The following RHOBTB1 variants were observed in gnomAD, a reference collection of about 807,000 sequenced individuals.
RHOBTB1 encodes the protein Rho related BTB domain containing 1, also known as rho-related BTB domain-containing protein 1.
RHOBTB1 carries 40 observed loss-of-function variants against 71.6 expected under a neutral mutation model. That is an observed-to-expected ratio of 0.56 (90% CI 0.43 to 0.73). The LOEUF (loss-of-function observed/expected upper bound fraction) is 0.73. Among genes scored for constraint, RHOBTB1 ranks in the 30% least tolerant of loss-of-function variants. The pLI is 0.00. For missense variants in RHOBTB1, 797 were observed against 894.0 expected (o/e 0.89, Z 1.38); for synonymous variants, 319 against 334.9 (o/e 0.95, Z 0.52).
chr10:61,000,674 T>G lies in RHOBTB1; in HGVS notation c.-163+725A>C, dbSNP rs576550329. Among the ~76,000 whole-genome samples the G allele has an allele frequency of 4.6e-5, 7 of 152,300 alleles. No individual in the cohort carries two copies. The South Asian group carries it at 1.2e-3, about 27-fold the overall frequency. On this transcript the variant is annotated intron_variant, in intron 1 of 11. Transcript: ENST00000357917. ...CTAAGAGAATGTATATCTTCATTTT[T>G]TTTTAATTCCCAAGTGTTAAAAATC...
chr10:60,874,836 G>A (rs1328866778), intron 9 of RHOBTB1, 118 bp downstream of exon 9: 1 of 724,382 alleles, frequency 1.4e-6, no homozygotes, highest in Non-Finnish European at 2.4e-6. Flanking sequence ...TACACAGGGG[G>A]ACTCTGTGAC....
At chr10:60,907,975 T>TATTA (rs1350586102) in intron 4 of RHOBTB1, among the ~76,000 whole-genome samples, 14 of 152,228 alleles carry the variant, frequency 9.2e-5, no homozygotes, top group Admixed American at 5.2e-4. Context: ...GATTAACTAA[T>TATTA]GTTGGCAAAG....
intron 6 of RHOBTB1, among the ~76,000 whole-genome samples, chr10:60,887,851 T>C (rs1589192530): frequency 1.3e-5 from 2 of 152,112 alleles, no homozygotes; most frequent in Non-Finnish European, 2.9e-5. Context: ...AGGCTTGGGG[T>C]CCCTGATCCA....
intron 2 of RHOBTB1, among the ~76,000 whole-genome samples, chr10:60,962,269 C>A (rs2085808598): frequency 6.6e-6 from 1 of 152,070 alleles, no homozygotes; most frequent in Non-Finnish European, 1.5e-5. Context: ...TTAAAATAAT[C>A]TGGTTGTCTG....
intron 4 of RHOBTB1, among the ~76,000 whole-genome samples, chr10:60,896,279 A>G (rs371683443): frequency 6.6e-6 from 1 of 152,262 alleles, no homozygotes; most frequent in East Asian, 1.9e-4. Flanking sequence ...TTCTATTTCT[A>G]TGGCTCTGTT....
At chr10:60,863,917 C>T in the RHOBTB1 span, among the ~76,000 whole-genome samples, 1 of 151,630 alleles carries the variant, frequency 6.6e-6, no homozygotes, top group African/African-American at 2.4e-5. Context: ...TTGGAGACTC[C>T]CATTGCAGGA....
intron 2 of RHOBTB1, among the ~76,000 whole-genome samples, chr10:60,940,372 G>C (rs533610511): frequency 6.6e-6 from 1 of 152,298 alleles, no homozygotes; most frequent in South Asian, 2.1e-4. Flanking sequence ...AAGGGAAGTA[G>C]GGGAACAGAA....
chr10:60,993,679 T>G (rs1318425006), intron 1 of RHOBTB1, among the ~76,000 whole-genome samples: 2 of 152,094 alleles, frequency 1.3e-5, no homozygotes, highest in African/African-American at 2.4e-5. Context: ...AAATACATTT[T>G]ATATTGCTCT....
chr10:60,882,411 C>T (rs2081366591), intron 7 of RHOBTB1, among the ~76,000 whole-genome samples: 1 of 152,102 alleles, frequency 6.6e-6, no homozygotes, highest in Non-Finnish European at 1.5e-5. Flanking sequence ...TAATGAACCA[C>T]TTGCTGAGTA....
intron 4 of RHOBTB1, among the ~76,000 whole-genome samples, chr10:60,902,500 T>C (rs1589244135): frequency 6.6e-6 from 1 of 152,184 alleles, no homozygotes; most frequent in East Asian, 1.9e-4. Context: ...CAACCTATAA[T>C]TGGAAAAGCG....
chr10:60,880,741 C>A (rs1488856359), intron 7 of RHOBTB1, among the ~76,000 whole-genome samples: 2 of 152,088 alleles, frequency 1.3e-5, no homozygotes, highest in Non-Finnish European at 2.9e-5. Context: ...ATTATTCTTC[C>A]CTTCAACCAG....
At chr10:60,990,112 A>G (rs2086807845) in intron 1 of RHOBTB1, among the ~76,000 whole-genome samples, 1 of 150,898 alleles carries the variant, frequency 6.6e-6, no homozygotes, top group South Asian at 2.1e-4. Context: ...CCTCCCGAGT[A>G]GCTGGGACTA....
chr10:60,867,792 G>A (rs943093087), downstream of RHOBTB1, among the ~76,000 whole-genome samples: 1 of 152,180 alleles, frequency 6.6e-6, no homozygotes, highest in Non-Finnish European at 1.5e-5. Flanking sequence ...TACTTCTACA[G>A]AAGTGTAGCT....
At chr10:60,917,681 G>A (rs758469215) in intron 2 of RHOBTB1, among the ~76,000 whole-genome samples, 1 of 152,024 alleles carries the variant, frequency 6.6e-6, no homozygotes, top group African/African-American at 2.4e-5. Context: ...CCAACAGCCC[G>A]CCTCTTAATA....
At chr10:60,922,477 G>A (rs1233392166) in intron 2 of RHOBTB1, among the ~76,000 whole-genome samples, 3 of 152,180 alleles carry the variant, frequency 2.0e-5, no homozygotes, top group African/African-American at 7.2e-5. Flanking sequence ...GAAACTGGAA[G>A]GATTTCCGCC....
At position 60,888,657 on chromosome 10, in the gene RHOBTB1, C is replaced by T. The variant is rs768772830; in HGVS notation, c.1011G>A (p.Pro337=). Reference sequence around the variant, plus strand: ...ACTGGTCGGCCTGAGGAATCCTAGGCGGGCCCTCCTCCCTTTCTTCCTCTG... The same window carrying T: ...ACTGGTCGGCCTGAGGAATCCTAGGTGGGCCCTCCTCCCTTTCTTCCTCTG... The part of the protein sequence containing the change: ...VDPEEEREEG[P]PRIPQADQWK... The change falls in exon 6 of 11, where the codon CCG becomes CCA. Residue 337 remains proline, a synonymous_variant. Coordinates refer to ENST00000337910, the MANE Select transcript of RHOBTB1 (RefSeq NM_014836.5). The T allele has an allele frequency of 1.2e-5, 19 of 1,614,094 alleles. No homozygotes were observed. Among genetic ancestry groups the T allele is most frequent in the South Asian group, 3.3e-5 (3 of 91,088 alleles).
At chr10:60,997,843 A>C (rs1193043644) in intron 1 of RHOBTB1, among the ~76,000 whole-genome samples, 4 of 152,226 alleles carry the variant, frequency 2.6e-5, no homozygotes, top group Non-Finnish European at 5.9e-5. Flanking sequence ...TTTCTGAAAG[A>C]AAGCATCATT....
chr10:60,980,070 G>T (rs1410232357), intron 2 of RHOBTB1, among the ~76,000 whole-genome samples: 2 of 152,112 alleles, frequency 1.3e-5, no homozygotes, highest in Admixed American at 1.3e-4. Context: ...TCTGAGTCAA[G>T]GAGCAAAATT....
intron 4 of RHOBTB1, among the ~76,000 whole-genome samples, chr10:60,902,154 A>T (rs2082443143): frequency 6.6e-6 from 1 of 152,208 alleles, no homozygotes; most frequent in South Asian, 2.1e-4. Flanking sequence ...AGCGCGAAGG[A>T]CAGTGTGGGA....
Sources: allele counts gnomAD v4.1 joint callset (sites outside exome capture counted in the v4.1 genomes callset), GRCh38; gene constraint gnomAD v4.1.1; transcripts MANE v1.5; gene names NCBI Gene and HGNC (gene_info 2026-07-23, HGNC 2026-07-21).